Variants in ASTN2 observed in about 807,000 individuals in gnomAD.
ASTN2 encodes the protein astrotactin 2.
A neutral mutation model predicts 139.8 loss-of-function variants in ASTN2; 54 were observed. The ratio of observed to expected loss-of-function variants is 0.39; its 90% CI spans 0.31 to 0.48. The LOEUF (loss-of-function observed/expected upper bound fraction) is 0.48, where lower values mean the gene tolerates loss of function less well. ASTN2 is among the 20% of genes least tolerant of loss of function. ASTN2 has a pLI of 0.95. For missense variants in ASTN2, 1,565 were observed against 1,725.1 expected, an observed-to-expected ratio of 0.91 and a Z score of 1.64; for synonymous variants, 756 against 719.5, an observed-to-expected ratio of 1.05 and a Z score of -0.81.
chr9:117,184,149 A>G (rs1442602237), intron 3 of ASTN2, among the ~76,000 whole-genome samples: 1 of 152,196 alleles, frequency 6.6e-6, no homozygotes, highest in Admixed American at 6.5e-5. Context: ...GTTGAGAAGG[A>G]CAACTCAGGC....
chr9:116,801,226 T>C (rs1830836698), intron 13 of ASTN2, among the ~76,000 whole-genome samples: 1 of 152,066 alleles, frequency 6.6e-6, no homozygotes, highest in East Asian at 1.9e-4. Flanking sequence ...CTTTCAGGAA[T>C]GTGAAGGACA....
intron 1 of ASTN2, among the ~76,000 whole-genome samples, chr9:117,331,524 A>AT (rs1291161429): frequency 6.6e-6 from 1 of 152,206 alleles, no homozygotes; most frequent in African/African-American, 2.4e-5. Flanking sequence ...AGGAAGGGCT[A>AT]TGTCTGTCTT....
At chr9:117,100,967 G>A (rs1828962318) in intron 4 of ASTN2, among the ~76,000 whole-genome samples, 1 of 152,176 alleles carries the variant, frequency 6.6e-6, no homozygotes, top group Admixed American at 6.5e-5. Context: ...GCCTTGGACA[G>A]GGCATTTGAT....
chr9:116,835,060 A>C, intron 11 of ASTN2, among the ~76,000 whole-genome samples: 1 of 152,084 alleles, frequency 6.6e-6, no homozygotes, highest in East Asian at 1.9e-4. Context: ...AATAAGAAAA[A>C]ATTTCTAAAA....
At position 116,728,346 on chromosome 9, in the gene ASTN2, C is replaced by T. The variant is rs191169127; in HGVS notation, c.2626+646G>A. On this transcript the variant is annotated intron_variant, in intron 15 of 22. Transcript: ENST00000313400. Reference sequence around the variant, plus strand: ...GAGTTGTTTTGAGGGGAATGGAGAACGGGGGAGGCATCACAGAGTAATATA... The same window carrying T: ...GAGTTGTTTTGAGGGGAATGGAGAATGGGGGAGGCATCACAGAGTAATATA... 4.4e-3 allele frequency among the ~76,000 whole-genome samples: 670 copies of T among 151,430 alleles called. 1 individual carries two copies. Among genetic ancestry groups the T allele is most frequent in the Middle Eastern group, 0.014 (4 of 294 alleles).
chr9:117,237,700 C>G (rs534376412), intron 2 of ASTN2, among the ~76,000 whole-genome samples: 1 of 152,144 alleles, frequency 6.6e-6, no homozygotes, highest in Non-Finnish European at 1.5e-5. Flanking sequence ...AGGATGGTCT[C>G]GATCTCCTGA....
chr9:116,657,789 C>T (rs1017532782), intron 16 of ASTN2, among the ~76,000 whole-genome samples: 11 of 149,746 alleles, frequency 7.3e-5, no homozygotes, highest in East Asian at 4.2e-4. Flanking sequence ...TGCAGTGAAC[C>T]GAGTTTCTGC....
Position 116,898,187 on chromosome 9 carries a change from G to C in ASTN2, c.1890-34454C>G, listed in dbSNP as rs954758932. On this transcript the variant is annotated intron_variant, in intron 10 of 22. Transcript: ENST00000313400. Reference sequence around the variant, plus strand: ...TTTGGGAGGCCAAGGTGGAAGGATCGCTTGAGTGCAGAAGTTTGAGACCAC... The same window carrying C: ...TTTGGGAGGCCAAGGTGGAAGGATCCCTTGAGTGCAGAAGTTTGAGACCAC... 2.0e-5 allele frequency among the ~76,000 whole-genome samples: 3 copies of C among 151,982 alleles called. 1 individual carries two copies. The highest frequency in any genetic ancestry group is 4.4e-5 in the Non-Finnish European group (3 of 68,008).
At chr9:117,300,192 A>T (rs911387766) in intron 1 of ASTN2, among the ~76,000 whole-genome samples, 1 of 152,222 alleles carries the variant, frequency 6.6e-6, no homozygotes, top group African/African-American at 2.4e-5. Flanking sequence ...CTAAGGATAG[A>T]TTGGAGGAAA....
intron 13 of ASTN2, among the ~76,000 whole-genome samples, chr9:116,777,975 T>A (rs766756720): frequency 1.4e-4 from 21 of 152,154 alleles, no homozygotes; most frequent in Non-Finnish European, 2.6e-4. Flanking sequence ...CCCGAGCAGC[T>A]GGGACTATAG....
chr9:117,053,395 T>C (rs1378943144), intron 5 of ASTN2, among the ~76,000 whole-genome samples: 2 of 151,972 alleles, frequency 1.3e-5, no homozygotes, highest in Non-Finnish European at 2.9e-5. Context: ...GAGGCTGCAG[T>C]ACGCTATGAT....
chr9:117,147,425 G>A (rs1310235286), intron 3 of ASTN2, among the ~76,000 whole-genome samples: 1 of 131,450 alleles, frequency 7.6e-6, no homozygotes, highest in Non-Finnish European at 1.6e-5. Context: ...GAAAGAGTGA[G>A]ACTCTGACTC....
At chr9:116,963,657 T>C (rs527705724) in intron 10 of ASTN2, among the ~76,000 whole-genome samples, 2 of 152,258 alleles carry the variant, frequency 1.3e-5, no homozygotes, top group South Asian at 2.1e-4. Context: ...ATTTTGAAGG[T>C]AGGATGAAAG....
At chr9:117,377,361 A>T (rs1830150410) in intron 1 of ASTN2, among the ~76,000 whole-genome samples, 2 of 152,202 alleles carry the variant, frequency 1.3e-5, no homozygotes, top group South Asian at 4.1e-4. Context: ...GCAGGAAACC[A>T]GGCAGAGAAG....
intron 16 of ASTN2, among the ~76,000 whole-genome samples, chr9:116,694,753 G>T (rs1860757101): frequency 6.6e-6 from 1 of 151,386 alleles, no homozygotes; most frequent in Non-Finnish European, 1.5e-5. Context: ...TTACAGGCAT[G>T]AGCCACCACG....
At chr9:116,880,254 T>G (rs1440727073) in intron 10 of ASTN2, among the ~76,000 whole-genome samples, 1 of 152,180 alleles carries the variant, frequency 6.6e-6, no homozygotes, top group African/African-American at 2.4e-5. Flanking sequence ...AAAGTAAAGA[T>G]GTATGATTTT....
At chr9:116,933,979 CTTTTTTTTTT>C (rs148724828) in intron 10 of ASTN2, among the ~76,000 whole-genome samples, 14 of 86,906 alleles carry the variant, frequency 1.6e-4, no homozygotes, top group African/African-American at 6.1e-4. Flanking sequence ...AGTGTTAGTC[CTTTTTTTTTT>C]TTTTTTTTTT....
intron 10 of ASTN2, among the ~76,000 whole-genome samples, chr9:116,916,543 C>T (rs1286106592): frequency 6.6e-6 from 1 of 152,184 alleles, no homozygotes; most frequent in Non-Finnish European, 1.5e-5. Context: ...CATTCCATTT[C>T]CTCCTATAGT....
At chr9:117,048,963 C>CTTTGTTTT (rs544204025) in intron 5 of ASTN2, among the ~76,000 whole-genome samples, 5 of 89,016 alleles carry the variant, frequency 5.6e-5, no homozygotes, top group African/African-American at 2.0e-4. Flanking sequence ...TCATCCATTG[C>CTTTGTTTT]TTTTTTTTTT....
Sources: gnomAD v4.1 joint callset for allele counts (sites outside exome capture counted in the v4.1 genomes callset) on GRCh38, gnomAD v4.1.1 for gene constraint, MANE v1.5 for transcripts, NCBI Gene and HGNC (gene_info 2026-07-23, HGNC 2026-07-21) for gene names.